Variants in CSMD1 observed in about 807,000 individuals in gnomAD.
CSMD1 encodes the protein CUB and Sushi multiple domains 1.
In CSMD1, 213 loss-of-function variants were observed where a neutral mutation model predicts 417.5. That is an observed-to-expected ratio of 0.51 (90% CI 0.46 to 0.57). The LOEUF is 0.57. Among genes scored for constraint, CSMD1 ranks in the 20% least tolerant of loss-of-function variants. The pLI is 0.00. For synonymous variants in CSMD1, 2,862 were observed against 1,736.8 expected (o/e 1.65, Z -16.11); for missense variants, 6,923 against 4,529.7 (o/e 1.53, Z -15.17).
intron 5 of CSMD1, among the ~76,000 whole-genome samples, chr8:3,865,929 A>C (rs879290353): frequency 2.0e-5 from 3 of 152,174 alleles, no homozygotes; most frequent in African/African-American, 4.8e-5. Context: ...TTAACTCCTC[A>C]TGTTTCCCTC....
At chr8:4,356,604 C>T (rs150066462) in intron 3 of CSMD1, among the ~76,000 whole-genome samples, 1 of 152,166 alleles carries the variant, frequency 6.6e-6, no homozygotes, top group Admixed American at 6.5e-5. Flanking sequence ...CTGTAAGCAT[C>T]TTGGCTGTTT....
At position 4,820,715 on chromosome 8, in the gene CSMD1, G is replaced by A. The variant is rs558820514; in HGVS notation, c.85+173617C>T. ...TCCTTAACAAGGCTGCATAGCTCAT[G>A]GACTAATAAGGATCTAACTTTGCAT... On this transcript the variant is annotated intron_variant, in intron 1 of 69. Coordinates refer to ENST00000635120, the MANE Select transcript of CSMD1 (RefSeq NM_033225.6). 1.2e-4 allele frequency among the ~76,000 whole-genome samples: 19 copies of A among 152,208 alleles called. No homozygotes were observed. The South Asian group carries it at 3.7e-3, about 30-fold the overall frequency.
At chr8:4,949,183 A>C (rs762988064) in intron 1 of CSMD1, among the ~76,000 whole-genome samples, 1 of 152,106 alleles carries the variant, frequency 6.6e-6, no homozygotes, top group Non-Finnish European at 1.5e-5. Flanking sequence ...TCATGTTATA[A>C]TATTGTCTTA....
chr8:3,454,732 G>T (rs1288705050), intron 12 of CSMD1, among the ~76,000 whole-genome samples: 2 of 152,100 alleles, frequency 1.3e-5, no homozygotes, highest in South Asian at 4.1e-4. Context: ...CTTTCTCTCT[G>T]CCTGCCCTTT....
At chr8:4,626,621 G>C (rs559244652) in intron 2 of CSMD1, among the ~76,000 whole-genome samples, 50 of 152,224 alleles carry the variant, frequency 3.3e-4, no homozygotes, top group Non-Finnish European at 5.3e-4. Flanking sequence ...GCAGGGGGCA[G>C]GGTGTGGGAG....
chr8:2,998,247 T>C (rs1310527302), intron 53 of CSMD1, 63 bp from the exon 54 acceptor site: 2 of 1,536,200 alleles, frequency 1.3e-6, no homozygotes, highest in Non-Finnish European at 1.8e-6. Context: ...TCCCTTGGGA[T>C]TATTAATAAG....
At chr8:4,314,790 C>T (rs1798825431) in intron 3 of CSMD1, among the ~76,000 whole-genome samples, 1 of 152,144 alleles carries the variant, frequency 6.6e-6, no homozygotes, top group Non-Finnish European at 1.5e-5. Context: ...AAAGATTCAG[C>T]ATTTATGAAT....
chr8:3,369,657 A>G (rs1204993435), intron 18 of CSMD1, among the ~76,000 whole-genome samples: 2 of 152,240 alleles, frequency 1.3e-5, no homozygotes, highest in African/African-American at 4.8e-5. Context: ...GACATGGTAC[A>G]GGTTTGCACT....
intron 1 of CSMD1, among the ~76,000 whole-genome samples, chr8:4,888,504 TGA>T (rs147909163): frequency 4.3e-3 from 614 of 144,072 alleles, no homozygotes; most frequent in African/African-American, 5.3e-3. Flanking sequence ...GACTGATAGA[TGA>T]GAGAGAGAGA....
intron 1 of CSMD1, among the ~76,000 whole-genome samples, chr8:4,918,822 TAC>T (rs1291269435): frequency 6.6e-6 from 1 of 152,228 alleles, no homozygotes; most frequent in South Asian, 2.1e-4. Context: ...TGTATGTTTG[TAC>T]ATATATGCAG....
At chr8:4,788,818 A>T (rs1314619068) in intron 1 of CSMD1, among the ~76,000 whole-genome samples, 1 of 152,190 alleles carries the variant, frequency 6.6e-6, no homozygotes, top group Non-Finnish European at 1.5e-5. Context: ...CTTTTGAAAC[A>T]TTTTATACAT....
chr8:3,481,781 G>T (rs568473329), intron 11 of CSMD1, among the ~76,000 whole-genome samples: 1 of 152,184 alleles, frequency 6.6e-6, no homozygotes, highest in Non-Finnish European at 1.5e-5. Context: ...CCCTAAGCTG[G>T]AAGAAGAAAG....
chr8:3,093,718 T>C (rs1286391312), intron 47 of CSMD1, among the ~76,000 whole-genome samples: 1 of 151,490 alleles, frequency 6.6e-6, no homozygotes, highest in African/African-American at 2.4e-5. Context: ...CACTTTGTCA[T>C]GGCAGTCCTA....
At chr8:3,434,031 C>T (rs1037067464) in intron 12 of CSMD1, among the ~76,000 whole-genome samples, 1 of 152,180 alleles carries the variant, frequency 6.6e-6, no homozygotes, top group African/African-American at 2.4e-5. Flanking sequence ...TCATGAACTA[C>T]AACAATCGCA....
intron 1 of CSMD1, among the ~76,000 whole-genome samples, chr8:4,928,176 G>A (rs57424708): frequency 1.3e-5 from 2 of 151,888 alleles, no homozygotes; most frequent in Non-Finnish European, 2.9e-5. Flanking sequence ...CGTTGCCATT[G>A]GCACTGCCTG....
rs185128198 is a variant in CSMD1 at position 3,169,026 on chromosome 8, C to T, written c.5726-6749G>A. On this transcript the variant is annotated intron_variant, in intron 37 of 69. Coordinates refer to ENST00000635120, the MANE Select transcript of CSMD1 (RefSeq NM_033225.6). ...ATCAAGTTTATTTAATACATGGTTT[C>T]CAAAATTTCTCTGGTCACAGGACTA... Among the ~76,000 whole-genome samples, 541 of 152,240 alleles carry T rather than the reference C, an allele frequency of 3.6e-3. 7 individuals carry two copies. The highest frequency in any genetic ancestry group is 0.012 in the African/African-American group (493 of 41,544).
At chr8:3,973,254 C>A (rs1294912631) in intron 5 of CSMD1, among the ~76,000 whole-genome samples, 1 of 152,150 alleles carries the variant, frequency 6.6e-6, no homozygotes, top group African/African-American at 2.4e-5. Context: ...GGAGTGAGAG[C>A]TATGGCTTGG....
At chr8:3,196,905 T>C (rs1176517901) in intron 33 of CSMD1, among the ~76,000 whole-genome samples, 2 of 152,178 alleles carry the variant, frequency 1.3e-5, no homozygotes, top group South Asian at 2.1e-4. Context: ...TGGCTCACCA[T>C]GGATACATCC....
intron 1 of CSMD1, among the ~76,000 whole-genome samples, chr8:4,857,991 T>G (rs938540466): frequency 6.6e-6 from 1 of 152,160 alleles, no homozygotes; most frequent in Non-Finnish European, 1.5e-5. Context: ...ATATCTTTGA[T>G]GAACATTGAC....
Sources: allele counts gnomAD v4.1 joint callset (sites outside exome capture counted in the v4.1 genomes callset), GRCh38; gene constraint gnomAD v4.1.1; transcripts MANE v1.5; gene names NCBI Gene and HGNC (gene_info 2026-07-23, HGNC 2026-07-21).